The following ADARB2 variants were observed in gnomAD, a reference collection of about 807,000 sequenced individuals.
ADARB2 encodes adenosine deaminase RNA specific B2 (inactive), also known as inactive double-stranded RNA-specific editase B2.
In ADARB2, 25 loss-of-function variants were observed where a neutral mutation model predicts 62.2. That is an observed-to-expected ratio of 0.40 (90% CI 0.29 to 0.56). The LOEUF (loss-of-function observed/expected upper bound fraction) is 0.56, where lower values mean the gene tolerates loss of function less well. Among genes scored for constraint, ADARB2 ranks in the 20% least tolerant of loss-of-function variants. The pLI is 0.43. For missense variants in ADARB2, 1,071 were observed against 1,077.4 expected (o/e 0.99, Z 0.08); for synonymous variants, 572 against 500.8 (o/e 1.14, Z -1.90).
At chr10:1,266,506 GGGGGT>G (rs1831202682) in intron 4 of ADARB2, among the ~76,000 whole-genome samples, 2 of 109,474 alleles carry the variant, frequency 1.8e-5, no homozygotes, top group African/African-American at 6.0e-5. Flanking sequence ...CGCTGTGGTG[GGGGGT>G]GGGGGGGGGG....
At chr10:1,552,920 A>C (rs201700468) in intron 1 of ADARB2, among the ~76,000 whole-genome samples, 2 of 84,844 alleles carry the variant, frequency 2.4e-5, no homozygotes, top group African/African-American at 6.5e-5. Context: ...ACCCTTAATT[A>C]ATTCGTTTAG....
chr10:1,582,378 T>C (rs1440807070), intron 1 of ADARB2, among the ~76,000 whole-genome samples: 13 of 152,182 alleles, frequency 8.5e-5, no homozygotes, highest in African/African-American at 3.1e-4. Context: ...CCACAGCTGG[T>C]AGATCCCTGC....
At chr10:1,338,800 C>G (rs899550583) in intron 3 of ADARB2, among the ~76,000 whole-genome samples, 1 of 152,282 alleles carries the variant, frequency 6.6e-6, no homozygotes, top group East Asian at 1.9e-4. Flanking sequence ...CATCAGCCAC[C>G]AGGTTCCAGG....
chr10:1,502,037 C>T (rs147929098), intron 1 of ADARB2, among the ~76,000 whole-genome samples: 9 of 152,346 alleles, frequency 5.9e-5, no homozygotes, highest in African/African-American at 1.7e-4. Context: ...AAACTGCAAT[C>T]GTGAGGAAAC....
At chr10:1,695,833 CATGT>C (rs371917810) in intron 1 of ADARB2, among the ~76,000 whole-genome samples, 184 of 149,604 alleles carry the variant, frequency 1.2e-3, no homozygotes, top group African/African-American at 4.4e-3. Flanking sequence ...AGAGTGCATG[CATGT>C]GTGTGTACAT....
At chr10:1,562,211 A>G (rs1184930358) in intron 1 of ADARB2, among the ~76,000 whole-genome samples, 4 of 146,400 alleles carry the variant, frequency 2.7e-5, no homozygotes. Flanking sequence ...TTGAGCATTC[A>G]CCTCCGGGCC....
intron 3 of ADARB2, among the ~76,000 whole-genome samples, chr10:1,277,541 A>G (rs1230159426): frequency 1.3e-5 from 2 of 152,204 alleles, no homozygotes; most frequent in East Asian, 3.8e-4. Context: ...ACACCCTCCC[A>G]AGACTAAACC....
chr10:1,313,521 C>A (rs1278489892), intron 3 of ADARB2, among the ~76,000 whole-genome samples: 1 of 152,212 alleles, frequency 6.6e-6, no homozygotes, highest in East Asian at 1.9e-4. Context: ...ATTGTAGTGA[C>A]AAGAGTCCCT....
intron 3 of ADARB2, among the ~76,000 whole-genome samples, chr10:1,283,342 G>A (rs1726042454): frequency 1.3e-5 from 2 of 152,244 alleles, no homozygotes; most frequent in Non-Finnish European, 2.9e-5. Flanking sequence ...TGCTTTAGGT[G>A]CATGTTTTCA....
intron 1 of ADARB2, among the ~76,000 whole-genome samples, chr10:1,450,650 G>A (rs1011073553): frequency 6.6e-6 from 1 of 152,220 alleles, no homozygotes; most frequent in Non-Finnish European, 1.5e-5. Context: ...GCTATTTGAC[G>A]AGGATCTGAG....
chr10:1,205,808 G>A, intron 7 of ADARB2, among the ~76,000 whole-genome samples: 1 of 152,256 alleles, frequency 6.6e-6, no homozygotes, highest in East Asian at 1.9e-4. Context: ...CCGAGACTGG[G>A]TAGATGCCAT....
rs1037929590 is a variant in ADARB2, at chr10:1,704,061, A to G, written c.100+32990T>C. On this transcript the variant is annotated intron_variant, in intron 1 of 9. Coordinates refer to ENST00000381312, the MANE Select transcript of ADARB2 (RefSeq NM_018702.4). The surrounding 1 kb of genome is among the most constrained non-coding windows in gnomAD (Gnocchi z 5.6). Reference sequence around the variant, plus strand: ...GAGTTAGTATCTTAAAAGAACAAACACTATATCTAACTTCCTGTGGGTCAG... The same window carrying G: ...GAGTTAGTATCTTAAAAGAACAAACGCTATATCTAACTTCCTGTGGGTCAG... 2.0e-5 allele frequency among the ~76,000 whole-genome samples: 3 copies of G among 152,024 alleles called. No homozygotes were observed. Among genetic ancestry groups the G allele is most frequent in the African/African-American group, 7.2e-5 (3 of 41,448 alleles).
At chr10:1,557,111 A>C (rs1197060925) in intron 1 of ADARB2, 3 of 341,768 alleles carry the variant, frequency 8.8e-6, no homozygotes, top group Non-Finnish European at 1.7e-5. Flanking sequence ...CCATTGCCTC[A>C]GTTTCAGGTG....
At chr10:1,369,222 G>A (rs942732173) in intron 2 of ADARB2, among the ~76,000 whole-genome samples, 4 of 152,054 alleles carry the variant, frequency 2.6e-5, no homozygotes, top group Non-Finnish European at 5.9e-5. Context: ...CTCAGTCATC[G>A]TATATAAAAA....
chr10:1,543,440 A>C (rs1159712057), intron 1 of ADARB2, among the ~76,000 whole-genome samples: 1 of 152,200 alleles, frequency 6.6e-6, no homozygotes, highest in Admixed American at 6.5e-5. Flanking sequence ...TTGATAGCTC[A>C]TTGTATCTAA....
At chr10:1,378,039 T>A (rs1303239482) in intron 2 of ADARB2, among the ~76,000 whole-genome samples, 4 of 152,152 alleles carry the variant, frequency 2.6e-5, no homozygotes, top group Admixed American at 2.6e-4. Context: ...TGTGCTGACC[T>A]CTTCCTGGTT....
intron 1 of ADARB2, among the ~76,000 whole-genome samples, chr10:1,516,171 G>C (rs528781766): frequency 6.6e-6 from 1 of 152,308 alleles, no homozygotes; most frequent in African/African-American, 2.4e-5. Flanking sequence ...GCTCAAGGCC[G>C]GCCTCATTGC....
chr10:1,439,746 C>G (rs1830880984), intron 1 of ADARB2, among the ~76,000 whole-genome samples: 1 of 144,732 alleles, frequency 6.9e-6, no homozygotes. Context: ...GGAGGCAGGT[C>G]CTTCATCATG....
intron 1 of ADARB2, among the ~76,000 whole-genome samples, chr10:1,544,665 G>A (rs1430329369): frequency 6.6e-6 from 1 of 152,068 alleles, no homozygotes; most frequent in Non-Finnish European, 1.5e-5. Flanking sequence ...TCTAGGAGGC[G>A]GGTATAGTCA....
Sources: allele counts gnomAD v4.1 joint callset (sites outside exome capture counted in the v4.1 genomes callset), GRCh38; gene constraint gnomAD v4.1.1; non-coding constraint Gnocchi (gnomAD v3.1); transcripts MANE v1.5; gene names NCBI Gene and HGNC (gene_info 2026-07-23, HGNC 2026-07-21).